TRAF2: variants seen among roughly 807,000 people sequenced by gnomAD.
The protein encoded by TRAF2 is TNF receptor associated factor 2, also known as TNF receptor-associated factor 2.
In TRAF2, 6 loss-of-function variants were observed where a neutral mutation model predicts 55.6. The observed-to-expected ratio is 0.11, with a 90% CI of 0.06 to 0.21. TRAF2 has a LOEUF of 0.21. Among genes scored for constraint, TRAF2 ranks in the 10% least tolerant of loss-of-function variants. TRAF2 has a pLI of 1.00. For missense variants in TRAF2, 561 were observed against 684.5 expected, an observed-to-expected ratio of 0.82 and a Z score of 2.01; for synonymous variants, 329 against 276.3, an observed-to-expected ratio of 1.19 and a Z score of -1.89.
chr9:136,907,631 G>C (rs1369727287), intron 4 of TRAF2, among the ~76,000 whole-genome samples: 1 of 152,102 alleles, frequency 6.6e-6, no homozygotes, highest in East Asian at 1.9e-4. Context: ...CTGCAATGAG[G>C]ATGGGGCTGG....
At chr9:136,910,088 C>A in intron 6 of TRAF2, 94 bp downstream of exon 6, 1 of 1,333,602 alleles carries the variant, frequency 7.5e-7, no homozygotes, top group Non-Finnish European at 1.1e-6. Flanking sequence ...GGTTATGACC[C>A]TTGTGCCCAA....
intron 4 of TRAF2, among the ~76,000 whole-genome samples, chr9:136,902,659 A>G (rs1849848533): frequency 1.3e-5 from 2 of 152,186 alleles, no homozygotes; most frequent in Non-Finnish European, 2.9e-5. Context: ...CTGCTCTGGA[A>G]TAACTTGGCT....
chr9:136,903,008 C>G (rs915688716), intron 4 of TRAF2, among the ~76,000 whole-genome samples: 29 of 151,928 alleles, frequency 1.9e-4, no homozygotes, highest in Admixed American at 1.6e-3. Context: ...GCTCTGTTGT[C>G]CAGGCTAGAG....
chr9:136,904,002 C>T (rs1448200206), intron 4 of TRAF2, among the ~76,000 whole-genome samples: 3 of 152,128 alleles, frequency 2.0e-5, no homozygotes, highest in Non-Finnish European at 4.4e-5. Context: ...TTATTTTTGA[C>T]ATTTCGAGCA....
intron 4 of TRAF2, among the ~76,000 whole-genome samples, chr9:136,904,007 C>T (rs189264019): frequency 1.0e-3 from 152 of 152,226 alleles, no homozygotes; most frequent in Admixed American, 1.7e-3. Context: ...TTTGACATTT[C>T]GAGCATGCAG....
intron 6 of TRAF2, among the ~76,000 whole-genome samples, chr9:136,915,442 G>A (rs1003425907): frequency 3.9e-5 from 6 of 152,090 alleles, no homozygotes; most frequent in Non-Finnish European, 8.8e-5. Context: ...GGTCCACGCC[G>A]TGGATCCAGC....
Position 136,910,128 on chromosome 9 carries a change from T to C in TRAF2, c.603+134T>C, listed in dbSNP as rs563119810. On this transcript the variant is annotated intron_variant, in intron 6 of 10. Transcript: ENST00000247668. ...ACAGCAGTGCAAAGCCCCTGTAACGTTGGGTCATGGATGCGTTCAGGGTGG... is the reference window on the plus strand; with the variant it reads ...ACAGCAGTGCAAAGCCCCTGTAACGCTGGGTCATGGATGCGTTCAGGGTGG... 50 of 1,003,736 alleles carry C rather than the reference T, an allele frequency of 5.0e-5. No homozygotes were observed. The African/African-American group carries it at 6.7e-4, about 13-fold the overall frequency. The allele number at this position is 1,003,736 out of a possible 1,614,324, so 62.2% of individuals were successfully genotyped here. A position where few individuals can be genotyped will look rare whatever the true frequency, so the allele number is the denominator to read the frequency against.
At chr9:136,925,618 C>T in intron 10 of TRAF2, 65 bp from the exon 11 acceptor site, 3 of 1,546,950 alleles carry the variant, frequency 1.9e-6, no homozygotes, top group Non-Finnish European at 2.7e-6. Flanking sequence ...AGTGTCCAGA[C>T]CCTCGGGAGC....
rs775907462 is a variant in TRAF2 at position 136,909,979 on chromosome 9, G to C, written c.588G>C (p.Lys196Asn). The C allele has an allele frequency of 6.8e-6, 11 of 1,613,910 alleles. No individual in the cohort carries two copies. Among genetic ancestry groups the C allele is most frequent in the Non-Finnish European group, 9.3e-6 (11 of 1,179,978 alleles). ...PLTCDGCGKKKIPREKFQDHV... is the reference protein window; with the variant it reads ...PLTCDGCGKKNIPREKFQDHV... Reference sequence around the variant, plus strand: ...CTTGTGACGGCTGCGGCAAGAAGAAGATCCCCCGGGAGAAGGTGAGTGTCC... The same window carrying C: ...CTTGTGACGGCTGCGGCAAGAAGAACATCCCCCGGGAGAAGGTGAGTGTCC... The change falls in exon 6 of 11, where the codon AAG becomes AAC. Residue 196 changes from lysine (K) to asparagine (N), a missense_variant. Transcript: ENST00000247668.
At chr9:136,919,803 C>T (rs771379956) in intron 7 of TRAF2, among the ~76,000 whole-genome samples, 2 of 151,024 alleles carry the variant, frequency 1.3e-5, no homozygotes, top group Non-Finnish European at 3.0e-5. Flanking sequence ...GCAGCGTCAA[C>T]CTCCTGGGCT....
intron 3 of TRAF2, 122 bp downstream of exon 3, chr9:136,899,794 G>C (rs1028690444): frequency 2.3e-6 from 2 of 874,082 alleles, no homozygotes; most frequent in East Asian, 6.8e-5. Context: ...GGAGGCCCAG[G>C]TAGGGGGATT....
intron 4 of TRAF2, among the ~76,000 whole-genome samples, chr9:136,902,828 A>G (rs1362133635): frequency 6.6e-6 from 1 of 152,124 alleles, no homozygotes; most frequent in Non-Finnish European, 1.5e-5. Context: ...TTGGGGCCTT[A>G]TTGTAAACAC....
At chr9:136,894,208 G>A (rs1018481586) in intron 1 of TRAF2, among the ~76,000 whole-genome samples, 1 of 151,640 alleles carries the variant, frequency 6.6e-6, no homozygotes, top group South Asian at 2.1e-4. Flanking sequence ...CACAATGTCC[G>A]GCTAATTTTT....
At chr9:136,914,685 G>A (rs1418092879) in intron 6 of TRAF2, among the ~76,000 whole-genome samples, 2 of 152,122 alleles carry the variant, frequency 1.3e-5, no homozygotes, top group Admixed American at 6.5e-5. Context: ...ACATAAGAAC[G>A]GTGTCAGTAG....
At chr9:136,914,442 G>C (rs1850193363) in intron 6 of TRAF2, among the ~76,000 whole-genome samples, 1 of 152,218 alleles carries the variant, frequency 6.6e-6, no homozygotes, top group African/African-American at 2.4e-5. Context: ...CCCTGCTGTG[G>C]CTCAAGATGG....
intron 7 of TRAF2, among the ~76,000 whole-genome samples, chr9:136,917,698 C>T (rs1850274881): frequency 6.6e-6 from 1 of 152,166 alleles, no homozygotes; most frequent in Non-Finnish European, 1.5e-5. Flanking sequence ...TTCTATGTGG[C>T]CTTAGGTATT....
intron 1 of TRAF2, among the ~76,000 whole-genome samples, chr9:136,893,414 C>T (rs369296303): frequency 2.0e-4 from 30 of 152,208 alleles, no homozygotes; most frequent in East Asian, 1.2e-3. Flanking sequence ...CTGACAGTCT[C>T]GTCACAGTTT....
chr9:136,918,072 C>G (rs1055244532), intron 7 of TRAF2, among the ~76,000 whole-genome samples: 3 of 151,912 alleles, frequency 2.0e-5, no homozygotes, highest in African/African-American at 7.3e-5. Flanking sequence ...AGCATGGTCC[C>G]AACAGCAGCA....
At chr9:136,916,453 C>T in intron 6 of TRAF2, 88 bp from the exon 7 acceptor site, 1 of 1,382,396 alleles carries the variant, frequency 7.2e-7, no homozygotes, top group Non-Finnish European at 1.0e-6. Context: ...GGTCATGTAA[C>T]CTCTGTGTCA....
Sources: allele counts gnomAD v4.1 joint callset (sites outside exome capture counted in the v4.1 genomes callset), GRCh38; gene constraint gnomAD v4.1.1; transcripts MANE v1.5; gene names NCBI Gene and HGNC (gene_info 2026-07-23, HGNC 2026-07-21).